Variants in PDE1A observed in about 807,000 individuals in gnomAD.
PDE1A encodes dual specificity calcium/calmodulin-dependent 3',5'-cyclic nucleotide phosphodiesterase 1A.
A neutral mutation model predicts 61.7 loss-of-function variants in PDE1A; 35 were observed. The ratio of observed to expected loss-of-function variants is 0.57; its 90% CI spans 0.43 to 0.75. The LOEUF (loss-of-function observed/expected upper bound fraction) is 0.75. Ranked by LOEUF, PDE1A falls within the 30% of genes least tolerant of loss-of-function variation. The pLI is 0.00. For missense variants in PDE1A, 597 were observed against 630.6 expected (o/e 0.95, Z 0.57); for synonymous variants, 232 against 213.2 (o/e 1.09, Z -0.77).
At position 182,303,060 on chromosome 2, in the gene PDE1A, C is replaced by T. The variant is rs374401952; in HGVS notation, c.54-38646G>A. Reference sequence around the variant, plus strand: ...TAACTTCCTTTACTGAAGTCTTGAACCCCTCAAAGTTATCCTTGAGGGTTG... The same window carrying T: ...TAACTTCCTTTACTGAAGTCTTGAATCCCTCAAAGTTATCCTTGAGGGTTG... On this transcript the variant is annotated intron_variant, in intron 1 of 13. Coordinates refer to ENST00000351439, the Ensembl canonical transcript of PDE1A. 2.0e-4 allele frequency among the ~76,000 whole-genome samples: 31 copies of T among 152,286 alleles called. 1 individual carries two copies. In the East Asian group the frequency reaches 2.3e-3, roughly 11 times the overall value.
At chr2:182,679,489 C>T in the PDE1A span, among the ~76,000 whole-genome samples, 1 of 151,706 alleles carries the variant, frequency 6.6e-6, no homozygotes, top group Non-Finnish European at 1.5e-5. Flanking sequence ...GCGTGAGCCA[C>T]CGCACCGGGC....
chr2:182,488,718 A>G (rs1688184864), intron 2 of PDE1A, among the ~76,000 whole-genome samples: 1 of 152,238 alleles, frequency 6.6e-6, no homozygotes, highest in East Asian at 1.9e-4. Context: ...TGCCCACCAA[A>G]TTATCAAAAA....
At chr2:182,444,847 ATTC>A (rs1332407017) in intron 2 of PDE1A, among the ~76,000 whole-genome samples, 1 of 152,180 alleles carries the variant, frequency 6.6e-6, no homozygotes, top group Non-Finnish European at 1.5e-5. Context: ...TAGTACTCTT[ATTC>A]TTCTTTTTGA....
the PDE1A span, among the ~76,000 whole-genome samples, chr2:182,708,950 G>T: frequency 6.6e-6 from 1 of 151,916 alleles, no homozygotes; most frequent in Admixed American, 6.6e-5. Flanking sequence ...TGTAAGTTTT[G>T]GTTATTTTGA....
At chr2:182,253,419 A>G (rs1016231764) in intron 2 of PDE1A, among the ~76,000 whole-genome samples, 1 of 152,180 alleles carries the variant, frequency 6.6e-6, no homozygotes, top group African/African-American at 2.4e-5. Context: ...CAACTTTAGT[A>G]TTAGGTTTAG....
intron 2 of PDE1A, among the ~76,000 whole-genome samples, chr2:182,462,495 G>A (rs1686372390): frequency 6.6e-6 from 1 of 151,984 alleles, no homozygotes; most frequent in Admixed American, 6.6e-5. Context: ...CAAGTGACAA[G>A]GACAGCCACG....
chr2:182,305,762 A>G (rs922222163), intron 1 of PDE1A, among the ~76,000 whole-genome samples: 8 of 152,166 alleles, frequency 5.3e-5, no homozygotes, highest in African/African-American at 1.9e-4. Flanking sequence ...TTGTAATTTG[A>G]CAAATTATAA....
At chr2:182,541,616 A>G in the PDE1A span, among the ~76,000 whole-genome samples, 2 of 152,346 alleles carry the variant, frequency 1.3e-5, no homozygotes, top group South Asian at 4.1e-4. Context: ...AAGCTGCCCT[A>G]CTAACCTTAG....
chr2:182,424,821 C>T (rs1447236302), intron 1 of PDE1A, among the ~76,000 whole-genome samples: 1 of 152,172 alleles, frequency 6.6e-6, no homozygotes, highest in African/African-American at 2.4e-5. Flanking sequence ...ATAAATCCTG[C>T]TCTCACATAC....
chr2:182,328,111 A>C (rs1215542301), intron 1 of PDE1A, among the ~76,000 whole-genome samples: 1 of 152,216 alleles, frequency 6.6e-6, no homozygotes, highest in African/African-American at 2.4e-5. Flanking sequence ...CAGTGAAATA[A>C]GAAGCAAAGT....
At chr2:182,474,784 C>A (rs1389016287) in intron 2 of PDE1A, among the ~76,000 whole-genome samples, 1 of 151,848 alleles carries the variant, frequency 6.6e-6, no homozygotes, top group Non-Finnish European at 1.5e-5. Flanking sequence ...AAGACGATGA[C>A]CAAGAACACT....
chr2:182,709,714 C>T, the PDE1A span, among the ~76,000 whole-genome samples: 1 of 152,130 alleles, frequency 6.6e-6, no homozygotes, highest in South Asian at 2.1e-4. Flanking sequence ...ATACATATAT[C>T]ATGGTGCTGT....
chr2:182,364,378 T>C (rs1409329257), intron 1 of PDE1A, among the ~76,000 whole-genome samples: 1 of 143,838 alleles, frequency 7.0e-6, no homozygotes, highest in Non-Finnish European at 1.5e-5. Context: ...GTCAATAAAA[T>C]GCCTCTCAGT....
the PDE1A span, among the ~76,000 whole-genome samples, chr2:182,599,014 G>T: frequency 6.6e-6 from 1 of 152,204 alleles, no homozygotes; most frequent in Non-Finnish European, 1.5e-5. Context: ...GAGAAACACG[G>T]CTGGGGCTTC....
At chr2:182,170,209 G>A (rs996903135) in intron 13 of PDE1A, among the ~76,000 whole-genome samples, 2 of 151,950 alleles carry the variant, frequency 1.3e-5, no homozygotes, top group Admixed American at 6.6e-5. Context: ...GTTTTGTGAC[G>A]TTAGACAAAT....
chr2:182,558,367 A>C, the PDE1A span, among the ~76,000 whole-genome samples: 1 of 152,130 alleles, frequency 6.6e-6, no homozygotes, highest in Admixed American at 6.5e-5. Flanking sequence ...TCCCAAATTT[A>C]TGTAATATTC....
intron 1 of PDE1A, among the ~76,000 whole-genome samples, chr2:182,412,786 A>G (rs1702693442): frequency 6.6e-6 from 1 of 152,222 alleles, no homozygotes. Context: ...TGGATATGAC[A>G]GGGTCTTAGC....
Position 182,453,738 on chromosome 2 carries a change from C to G in PDE1A, c.101+68538G>C, listed in dbSNP as rs563663741. On this transcript the variant is annotated intron_variant, in intron 2 of 14. Coordinates refer to the PDE1A transcript ENST00000410103. ...AACAACCCTTCATGCTAAAAACTCTCCATAAATTAGGTATTGATGGGATGT... is the reference window on the plus strand; with the variant it reads ...AACAACCCTTCATGCTAAAAACTCTGCATAAATTAGGTATTGATGGGATGT... 1.5e-4 allele frequency among the ~76,000 whole-genome samples: 23 copies of G among 152,264 alleles called. No individual in the cohort carries two copies. The South Asian group carries it at 4.6e-3, about 30-fold the overall frequency.
At chr2:182,495,010 C>T (rs942499262) in intron 2 of PDE1A, among the ~76,000 whole-genome samples, 3 of 152,148 alleles carry the variant, frequency 2.0e-5, no homozygotes, top group Non-Finnish European at 4.4e-5. Flanking sequence ...CCTTTCTCAT[C>T]CCTAGCTTCA....
Sources: gnomAD v4.1 joint callset for allele counts (sites outside exome capture counted in the v4.1 genomes callset) on GRCh38, gnomAD v4.1.1 for gene constraint, MANE v1.5 for transcripts, NCBI Gene and HGNC (gene_info 2026-07-23, HGNC 2026-07-21) for gene names.